BTBD9: variants seen among roughly 807,000 people sequenced by gnomAD.
The protein encoded by BTBD9 is BTB/POZ domain-containing protein 9.
BTBD9 carries 49 observed loss-of-function variants against 64.3 expected under a neutral mutation model. That is an observed-to-expected ratio of 0.76 (90% CI 0.61 to 0.97). The LOEUF (loss-of-function observed/expected upper bound fraction) is 0.97. BTBD9 is among the 50% of genes least tolerant of loss of function. The pLI, the probability that BTBD9 is intolerant of heterozygous loss-of-function variation, is 0.00. For synonymous variants in BTBD9, 260 were observed against 274.7 expected, an observed-to-expected ratio of 0.95 and a Z score of 0.53; for missense variants, 598 against 762.1, an observed-to-expected ratio of 0.78 and a Z score of 2.53.
chr6:38,495,632 A>G (rs1386300909), intron 6 of BTBD9, among the ~76,000 whole-genome samples: 1 of 152,218 alleles, frequency 6.6e-6, no homozygotes, highest in Non-Finnish European at 1.5e-5. Flanking sequence ...TTTTCTATAC[A>G]TAATCGTATT....
chr6:38,574,357 C>T (rs1050086421), intron 6 of BTBD9, among the ~76,000 whole-genome samples: 4 of 152,092 alleles, frequency 2.6e-5, no homozygotes, highest in African/African-American at 9.7e-5. Context: ...AACTCCTAGA[C>T]ATATACAAAG....
rs60445852 is a variant in BTBD9, at chr6:38,353,514, T to C, written c.1155-8421A>G. On this transcript the variant is annotated intron_variant, in intron 6 of 10. Transcript: ENST00000481247. ...CAACCCCTTCTCCGTCTCTGTTATG[T>C]GCTAATGTGAACAAATTCCCATATG... Among the ~76,000 whole-genome samples, 809 of 152,308 alleles carry C rather than the reference T, an allele frequency of 5.3e-3. 6 individuals carry two copies. The highest frequency in any genetic ancestry group is 0.018 in the African/African-American group (750 of 41,574).
chr6:38,300,006 C>G (rs1477345895), intron 7 of BTBD9, among the ~76,000 whole-genome samples: 2 of 152,176 alleles, frequency 1.3e-5, no homozygotes, highest in African/African-American at 4.8e-5. Flanking sequence ...ACATGTAAGT[C>G]TTTAATCCAT....
At chr6:38,273,912 C>T (rs1038713942) in intron 8 of BTBD9, among the ~76,000 whole-genome samples, 4 of 152,306 alleles carry the variant, frequency 2.6e-5, no homozygotes, top group South Asian at 2.1e-4. Flanking sequence ...TCCTGGCTCA[C>T]GCCACTTAGG....
chr6:38,351,515 T>TG, intron 6 of BTBD9, among the ~76,000 whole-genome samples: 1 of 143,704 alleles, frequency 7.0e-6, no homozygotes, highest in East Asian at 2.0e-4. Flanking sequence ...TTGTTTTTTT[T>TG]TTTTTTTTTT....
chr6:38,633,163 T>C (rs78840880), intron 1 of BTBD9, among the ~76,000 whole-genome samples: 5 of 152,270 alleles, frequency 3.3e-5, no homozygotes, highest in African/African-American at 1.2e-4. Flanking sequence ...TCCAGTAACT[T>C]TTCCTAAAAC....
chr6:38,511,952 G>C (rs1772793747), intron 6 of BTBD9, among the ~76,000 whole-genome samples: 1 of 151,930 alleles, frequency 6.6e-6, no homozygotes, highest in Non-Finnish European at 1.5e-5. Flanking sequence ...TTCATCCACA[G>C]AGCAATGAAA....
chr6:38,338,251 T>G (rs575911013), intron 7 of BTBD9, among the ~76,000 whole-genome samples: 3 of 152,338 alleles, frequency 2.0e-5, no homozygotes, highest in South Asian at 4.1e-4. Flanking sequence ...GACAAACAGA[T>G]GATTCACATC....
intron 6 of BTBD9, among the ~76,000 whole-genome samples, chr6:38,473,092 T>G (rs1374778221): frequency 6.6e-6 from 1 of 152,174 alleles, no homozygotes; most frequent in Non-Finnish European, 1.5e-5. Context: ...CCAACTTCTG[T>G]TTCTCTTCCA....
At chr6:38,180,182 C>T (rs139429795) in intron 10 of BTBD9, among the ~76,000 whole-genome samples, 44 of 152,324 alleles carry the variant, frequency 2.9e-4, no homozygotes, top group African/African-American at 9.9e-4. Flanking sequence ...CAGATTTGCA[C>T]GCAATGCAAA....
Position 38,174,886 on chromosome 6 carries a change from GCAGAGGTGGGGGCAGTCAA to G in BTBD9, c.*80_*98del, listed in dbSNP as rs1260816633. The G allele has an allele frequency of 7.1e-7, 1 of 1,412,922 alleles. No individual in the cohort carries two copies. The highest frequency in any genetic ancestry group is 1.4e-5 in the African/African-American group (1 of 70,156). 87.5% of individuals were successfully genotyped at this position (1,412,922 alleles called of 1,614,324 possible). A position where few individuals can be genotyped will look rare whatever the true frequency, so the allele number is the denominator to read the frequency against. On this transcript the variant is annotated 3_prime_UTR_variant, in exon 11 of 11. Coordinates refer to ENST00000481247, the MANE Select transcript of BTBD9 (RefSeq NM_001099272.2). ...TAGGTCGGCTCCTCCCTGGAAAGGG[GCAGAGGTGGGGGCAGTCAA>G]CAGAGACCCCTGCTCAGGGAGGAGA...
intron 6 of BTBD9, among the ~76,000 whole-genome samples, chr6:38,494,187 A>T (rs1045078532): frequency 1.3e-5 from 2 of 152,250 alleles, no homozygotes; most frequent in East Asian, 1.9e-4. Context: ...GTTCAGTAGC[A>T]AATCTTTTCA....
At chr6:38,178,062 G>A (rs537374917) in intron 10 of BTBD9, among the ~76,000 whole-genome samples, 2 of 152,302 alleles carry the variant, frequency 1.3e-5, no homozygotes, top group South Asian at 2.1e-4. Context: ...TCAGAGCTGC[G>A]TCCCAGTCTG....
At chr6:38,461,520 AT>A (rs1486831105) in intron 6 of BTBD9, among the ~76,000 whole-genome samples, 1 of 152,180 alleles carries the variant, frequency 6.6e-6, no homozygotes, top group Non-Finnish European at 1.5e-5. Context: ...ATCATTTAGT[AT>A]TTTATTGTAC....
At chr6:38,428,344 T>C (rs1768274772) in intron 6 of BTBD9, among the ~76,000 whole-genome samples, 1 of 114,716 alleles carries the variant, frequency 8.7e-6, no homozygotes, top group Non-Finnish European at 2.0e-5. Flanking sequence ...CCAAAAACCT[T>C]TGTACACAAC....
chr6:38,345,135 C>T (rs1454596967), intron 6 of BTBD9, 42 bp from the exon 7 acceptor site: 1 of 1,279,504 alleles, frequency 7.8e-7, no homozygotes, highest in Non-Finnish European at 1.1e-6. Flanking sequence ...AAATGAGCTC[C>T]CACCACAACC....
intron 9 of BTBD9, among the ~76,000 whole-genome samples, chr6:38,209,925 T>C (rs1181919786): frequency 6.6e-6 from 1 of 152,216 alleles, no homozygotes; most frequent in African/African-American, 2.4e-5. Context: ...TCTGTGCTCA[T>C]AGCATAATTT....
At chr6:38,566,837 T>C (rs912943347) in intron 6 of BTBD9, among the ~76,000 whole-genome samples, 2 of 152,196 alleles carry the variant, frequency 1.3e-5, no homozygotes, top group African/African-American at 4.8e-5. Flanking sequence ...ATGCACATCA[T>C]CTGTTCAGAA....
In BTBD9 at chr6:38,228,347, C is replaced by CA. The variant is rs1312495347; in HGVS notation, c.1562+28061_1562+28062insT. On this transcript the variant is annotated intron_variant, in intron 9 of 10. Coordinates refer to ENST00000481247, the MANE Select transcript of BTBD9 (RefSeq NM_001099272.2). ...GTGACAGGGCAAGACCCTGTCCCCC[C>CA]CCCCAAAAAAAAAAAAAAAAAAAGA... is the stretch of plus-strand genomic sequence containing the variant. 2.6e-4 allele frequency among the ~76,000 whole-genome samples: 18 copies of CA among 69,616 alleles called. No homozygotes were observed. In the East Asian group the frequency reaches 3.7e-3, roughly 14 times the overall value. 45.7% of individuals were successfully genotyped at this position (69,616 alleles called of 152,430 possible).
Sources: gnomAD v4.1 joint callset for allele counts (sites outside exome capture counted in the v4.1 genomes callset) on GRCh38, gnomAD v4.1.1 for gene constraint, MANE v1.5 for transcripts, NCBI Gene and HGNC (gene_info 2026-07-23, HGNC 2026-07-21) for gene names.